The following PPP1R9A variants were observed in gnomAD, a reference collection of about 807,000 sequenced individuals.
PPP1R9A encodes the protein neurabin-1.
In PPP1R9A, 59 loss-of-function variants were observed where a neutral mutation model predicts 141.9. That is an observed-to-expected ratio of 0.42 (90% confidence interval 0.34 to 0.52). PPP1R9A has a LOEUF of 0.52. Ranked by LOEUF, PPP1R9A falls within the 20% of genes least tolerant of loss-of-function variation. The pLI is 0.10. For missense variants in PPP1R9A, 1,444 were observed against 1,611.9 expected (o/e 0.90, Z 1.78); for synonymous variants, 500 against 569.7 (o/e 0.88, Z 1.74).
intron 2 of PPP1R9A, chr7:95,098,127 C>T (rs190755258): frequency 3.3e-5 from 5 of 152,274 alleles, no homozygotes; most frequent in East Asian, 1.9e-4. Flanking sequence ...GAACTTTAAT[C>T]GCATCTACAG....
chr7:94,949,110 A>G (rs914543176), intron 2 of PPP1R9A, among the ~76,000 whole-genome samples: 2 of 152,172 alleles, frequency 1.3e-5, no homozygotes, highest in East Asian at 1.9e-4. Context: ...TGACAAATGT[A>G]TTACAGAGCT....
intron 2 of PPP1R9A, among the ~76,000 whole-genome samples, chr7:94,999,191 G>A (rs1187317138): frequency 6.6e-6 from 1 of 152,172 alleles, no homozygotes; most frequent in African/African-American, 2.4e-5. Flanking sequence ...TTGAATTGTT[G>A]GGGAAGTTTC....
chr7:94,934,430 A>G (rs184873340), intron 2 of PPP1R9A, among the ~76,000 whole-genome samples: 5 of 152,148 alleles, frequency 3.3e-5, no homozygotes, highest in East Asian at 3.9e-4. Context: ...GAGCTTCTCA[A>G]CCTTTATTGT....
At chr7:94,990,013 TGAA>T (rs1179017000) in intron 2 of PPP1R9A, among the ~76,000 whole-genome samples, 3 of 152,122 alleles carry the variant, frequency 2.0e-5, no homozygotes, top group Non-Finnish European at 4.4e-5. Context: ...AAATTTTAGT[TGAA>T]GAGCTTTTAA....
intron 2 of PPP1R9A, among the ~76,000 whole-genome samples, chr7:95,033,508 G>GT (rs1040739827): frequency 3.3e-5 from 5 of 151,690 alleles, no homozygotes; most frequent in Middle Eastern, 3.2e-3. Flanking sequence ...TTGAGCAAAA[G>GT]TTTTTTTTCA....
At chr7:95,133,782 C>T (rs530571273) in intron 4 of PPP1R9A, among the ~76,000 whole-genome samples, 1 of 152,000 alleles carries the variant, frequency 6.6e-6, no homozygotes, top group South Asian at 2.1e-4. Context: ...CTGCAACCTC[C>T]ACCTCCCGGG....
chr7:95,072,840 AT>A (rs1563197336), intron 2 of PPP1R9A, among the ~76,000 whole-genome samples: 666 of 52,946 alleles, frequency 0.013, 7 homozygotes, highest in African/African-American at 0.067. Flanking sequence ...TATAATAATT[AT>A]TATATATAAT....
At chr7:95,262,214 T>C (rs1241861252) in intron 12 of PPP1R9A, among the ~76,000 whole-genome samples, 1 of 152,162 alleles carries the variant, frequency 6.6e-6, no homozygotes, top group Non-Finnish European at 1.5e-5. Flanking sequence ...GAAAAAGACA[T>C]TCACATATCC....
At chr7:94,996,681 A>ACTTAGGC (rs2151477952) in intron 2 of PPP1R9A, among the ~76,000 whole-genome samples, 1 of 152,020 alleles carries the variant, frequency 6.6e-6, no homozygotes, top group Non-Finnish European at 1.5e-5. Context: ...ATTATAGGCT[A>ACTTAGGC]CTTAGGCTCT....
intron 2 of PPP1R9A, among the ~76,000 whole-genome samples, chr7:95,048,635 T>C (rs1810366892): frequency 6.6e-6 from 1 of 151,916 alleles, no homozygotes; most frequent in Non-Finnish European, 1.5e-5. Context: ...CTTCGCCTCC[T>C]GGGTTCAATC....
chr7:94,923,466 T>A (rs537738140), intron 2 of PPP1R9A, among the ~76,000 whole-genome samples: 592 of 152,286 alleles, frequency 3.9e-3, no homozygotes, highest in Admixed American at 5.0e-3. Flanking sequence ...AAGTTCATTA[T>A]CTTGCTTATA....
chr7:95,165,239 AT>A (rs1831064651), intron 5 of PPP1R9A, among the ~76,000 whole-genome samples: 1 of 152,134 alleles, frequency 6.6e-6, no homozygotes, highest in Admixed American at 6.5e-5. Context: ...CTGTATGATA[AT>A]TTGAATATGA....
At chr7:95,161,704 C>T (rs922594939) in intron 4 of PPP1R9A, among the ~76,000 whole-genome samples, 163 bp from the exon 5 acceptor site, 8 of 152,126 alleles carry the variant, frequency 5.3e-5, no homozygotes. Context: ...GTGGAACCCA[C>T]TGATAACAGG....
At chr7:95,261,524 GT>G (rs200636813) in intron 12 of PPP1R9A, among the ~76,000 whole-genome samples, 2 of 150,710 alleles carry the variant, frequency 1.3e-5, no homozygotes, top group South Asian at 2.1e-4. Flanking sequence ...GACACTAAGG[GT>G]TTTTTTTTGA....
intron 5 of PPP1R9A, among the ~76,000 whole-genome samples, chr7:95,187,798 G>C (rs542354503): frequency 1.3e-5 from 2 of 152,118 alleles, no homozygotes; most frequent in African/African-American, 2.4e-5. Flanking sequence ...TTATTTGCCT[G>C]TATTTGTTTA....
intron 2 of PPP1R9A, among the ~76,000 whole-genome samples, chr7:95,058,736 C>T (rs934499564): frequency 2.6e-5 from 4 of 151,356 alleles, no homozygotes; most frequent in Admixed American, 6.6e-5. Context: ...GGGGGTGGAG[C>T]GGGGTGGAGT....
intron 5 of PPP1R9A, among the ~76,000 whole-genome samples, chr7:95,189,871 A>G (rs1835239224): frequency 6.6e-6 from 1 of 151,974 alleles, no homozygotes; most frequent in Admixed American, 6.6e-5. Context: ...TTATTTCTCT[A>G]AGTGTGTACT....
At chr7:94,925,867 C>T (rs1439448811) in intron 2 of PPP1R9A, among the ~76,000 whole-genome samples, 2 of 152,092 alleles carry the variant, frequency 1.3e-5, no homozygotes, top group African/African-American at 2.4e-5. Context: ...TACTCTGTTG[C>T]CTAGGCTGGA....
intron 7 of PPP1R9A, among the ~76,000 whole-genome samples, chr7:95,214,630 T>A (rs554484731): frequency 6.6e-4 from 100 of 152,248 alleles, no homozygotes; most frequent in Middle Eastern, 3.4e-3. Flanking sequence ...TACAAGGGCA[T>A]GAACACCCAG....
Sources: gnomAD v4.1 joint callset for allele counts (sites outside exome capture counted in the v4.1 genomes callset) on GRCh38, gnomAD v4.1.1 for gene constraint, MANE v1.5 for transcripts, NCBI Gene and HGNC (gene_info 2026-07-23, HGNC 2026-07-21) for gene names.